CHD9: variants seen among roughly 807,000 people sequenced by gnomAD.
CHD9 encodes the protein ATP-dependent chromatin remodeler CHD9.
In CHD9, 77 loss-of-function variants were observed where a neutral mutation model predicts 316.1. The observed-to-expected ratio is 0.24, with a 90% confidence interval of 0.20 to 0.29. The LOEUF (loss-of-function observed/expected upper bound fraction) is 0.29. Among genes scored for constraint, CHD9 ranks in the 10% least tolerant of loss-of-function variants. CHD9 has a pLI of 1.00. For missense variants in CHD9, 2,763 were observed against 3,438.1 expected, an observed-to-expected ratio of 0.80 and a Z score of 4.91; for synonymous variants, 1,129 against 1,158.3, an observed-to-expected ratio of 0.97 and a Z score of 0.51.
At chr16:53,201,406 A>G (rs1344067010) in intron 2 of CHD9, among the ~76,000 whole-genome samples, 4 of 152,154 alleles carry the variant, frequency 2.6e-5, no homozygotes, top group Admixed American at 6.5e-5. Flanking sequence ...TAGTACCCCT[A>G]TGTCTTAAAG....
At chr16:53,065,025 T>A (rs1032829296) in intron 1 of CHD9, among the ~76,000 whole-genome samples, 2 of 151,596 alleles carry the variant, frequency 1.3e-5, no homozygotes, top group Admixed American at 6.6e-5. Context: ...GAGAAAGAAA[T>A]CACAAGGGGA....
At chr16:53,271,659 C>A (rs2052283300) in intron 22 of CHD9, among the ~76,000 whole-genome samples, 1 of 151,930 alleles carries the variant, frequency 6.6e-6, no homozygotes, top group African/African-American at 2.4e-5. Flanking sequence ...GACACCTTTT[C>A]TTTAACTATC....
intron 2 of CHD9, among the ~76,000 whole-genome samples, chr16:53,158,627 T>C (rs900416044): frequency 6.6e-6 from 1 of 152,014 alleles, no homozygotes; most frequent in African/African-American, 2.4e-5. Context: ...ATTAATACTT[T>C]TTTTTGTTTT....
intron 2 of CHD9, among the ~76,000 whole-genome samples, chr16:53,178,294 A>G (rs2043223587): frequency 6.6e-6 from 1 of 152,110 alleles, no homozygotes; most frequent in African/African-American, 2.4e-5. Flanking sequence ...AGTTGGTGAG[A>G]GATGTGGATA....
At chr16:53,147,634 A>G (rs180954286) in intron 1 of CHD9, among the ~76,000 whole-genome samples, 8 of 152,326 alleles carry the variant, frequency 5.3e-5, no homozygotes, top group Admixed American at 3.3e-4. Flanking sequence ...GCCTGCTAAT[A>G]TCTCTGAACA....
intron 2 of CHD9, among the ~76,000 whole-genome samples, chr16:53,181,883 C>T (rs1380868298): frequency 6.6e-6 from 1 of 152,116 alleles, no homozygotes; most frequent in Non-Finnish European, 1.5e-5. Context: ...AGTTTGAGAC[C>T]AGCCTGGCCA....
Position 53,186,650 on chromosome 16 carries a change from A to G in CHD9, c.1453-22832A>G, listed in dbSNP as rs2044036297. On this transcript the variant is annotated intron_variant, in intron 2 of 38. Coordinates refer to ENST00000447540, the MANE Select transcript of CHD9 (RefSeq NM_001308319.2). Reference sequence around the variant, plus strand: ...TTTCCCCACCCAAAATCTCATCTTGAATTGTAGTTCCCGTAATCCTTATGT... The same window carrying G: ...TTTCCCCACCCAAAATCTCATCTTGGATTGTAGTTCCCGTAATCCTTATGT... Among the ~76,000 whole-genome samples the G allele has an allele frequency of 2.0e-5, 3 of 152,276 alleles. 1 individual carries two copies. The South Asian group carries it at 6.2e-4, about 32-fold the overall frequency.
Position 53,156,176 on chromosome 16 carries a change from A to G in CHD9, c.87A>G (p.Gln29=), listed in dbSNP as rs746375550. 1 of 1,613,944 alleles carries G rather than the reference A, an allele frequency of 6.2e-7. No individual in the cohort carries two copies. ...GTTTGTCAGATGATGCATTTGTACAACCAGGACCTGTTTCACTAGTTGATG... is the reference window on the plus strand; with the variant it reads ...GTTTGTCAGATGATGCATTTGTACAGCCAGGACCTGTTTCACTAGTTGATG... ...LEGLSDDAFV[Q]PGPVSLVDEL... is the part of the protein sequence containing the mutation. Residue 29 remains glutamine (Q), a synonymous_variant, in exon 2 of 39, where the codon CAA becomes CAG. Coordinates refer to ENST00000447540, the MANE Select transcript of CHD9 (RefSeq NM_001308319.2).
At chr16:53,299,426 C>T (rs1408169239) in intron 30 of CHD9, 5 of 178,656 alleles carry the variant, frequency 2.8e-5, no homozygotes, top group Non-Finnish European at 6.0e-5. Flanking sequence ...CCAACATCAC[C>T]GTGAAGATTG....
At chr16:53,206,253 T>G (rs994685902) in intron 2 of CHD9, among the ~76,000 whole-genome samples, 5 of 152,056 alleles carry the variant, frequency 3.3e-5, no homozygotes, top group African/African-American at 1.2e-4. Context: ...ACACCTGGCC[T>G]TCTTTTACCT....
chr16:53,272,037 G>C (rs1016958346), intron 22 of CHD9, among the ~76,000 whole-genome samples: 1 of 152,098 alleles, frequency 6.6e-6, no homozygotes, highest in African/African-American at 2.4e-5. Flanking sequence ...TGCAGCCTAT[G>C]TATATTTTCA....
At chr16:53,097,402 T>C (rs533703559) in intron 1 of CHD9, among the ~76,000 whole-genome samples, 114 of 151,270 alleles carry the variant, frequency 7.5e-4, no homozygotes, top group Non-Finnish European at 1.0e-3. Flanking sequence ...CTTCCTTCCT[T>C]CCTTCTTTCT....
Position 53,098,489 on chromosome 16 carries a change from A to G in CHD9, c.-165+43412A>G, listed in dbSNP as rs942635800. On this transcript the variant is annotated intron_variant, in intron 1 of 38. Transcript: ENST00000447540. Reference sequence around the variant, plus strand: ...AGACTCCGTCTCAAAAAAAAAAAAAAAAAGAAAGAAAGAAAAGCTGGGAGG... The same window carrying G: ...AGACTCCGTCTCAAAAAAAAAAAAAGAAAGAAAGAAAGAAAAGCTGGGAGG... 2.6e-4 allele frequency among the ~76,000 whole-genome samples: 38 copies of G among 148,938 alleles called. No individual in the cohort carries two copies. In the East Asian group the frequency reaches 2.8e-3, roughly 11 times the overall value.
intron 2 of CHD9, among the ~76,000 whole-genome samples, chr16:53,188,038 A>G (rs1334836133): frequency 3.3e-5 from 5 of 152,336 alleles, no homozygotes; most frequent in South Asian, 2.1e-4. Context: ...GCAACCACCA[A>G]TCTACTTTCT....
chr16:53,315,242 A>G (rs1418601236), intron 36 of CHD9, among the ~76,000 whole-genome samples, 198 bp downstream of exon 36: 1 of 152,204 alleles, frequency 6.6e-6, no homozygotes, highest in Non-Finnish European at 1.5e-5. Flanking sequence ...TCTGCATTCA[A>G]TGAGTATTTA....
At chr16:53,314,704 G>C in intron 35 of CHD9, 119 bp from the exon 36 acceptor site, 1 of 1,058,486 alleles carries the variant, frequency 9.4e-7, no homozygotes, top group Non-Finnish European at 1.3e-6. Context: ...AAGTTTAAAA[G>C]ATTTAGCAGA....
intron 1 of CHD9, among the ~76,000 whole-genome samples, chr16:53,128,610 G>A (rs1597074664): frequency 6.6e-6 from 1 of 152,144 alleles, no homozygotes; most frequent in Non-Finnish European, 1.5e-5. Context: ...GATGTTGTTC[G>A]TGATATTGAT....
intron 19 of CHD9, among the ~76,000 whole-genome samples, chr16:53,259,364 T>G (rs531601635): frequency 6.6e-6 from 1 of 152,244 alleles, no homozygotes; most frequent in Non-Finnish European, 1.5e-5. Context: ...AGTTATATGA[T>G]AGCAGAATAA....
At chr16:53,217,146 C>T (rs1439913513) in intron 3 of CHD9, among the ~76,000 whole-genome samples, 1 of 152,150 alleles carries the variant, frequency 6.6e-6, no homozygotes, top group African/African-American at 2.4e-5. Context: ...GATAGCTCCT[C>T]AGACTTTTTT....
Sources: gnomAD v4.1 joint callset for allele counts (sites outside exome capture counted in the v4.1 genomes callset) on GRCh38, gnomAD v4.1.1 for gene constraint, MANE v1.5 for transcripts, NCBI Gene and HGNC (gene_info 2026-07-23, HGNC 2026-07-21) for gene names.